The following KLHL8 variants were observed in gnomAD, a reference collection of about 807,000 sequenced individuals.
The protein encoded by KLHL8 is kelch like family member 8, also known as kelch-like protein 8.
KLHL8 carries 38 observed loss-of-function variants against 63.5 expected under a neutral mutation model. The ratio of observed to expected loss-of-function variants is 0.60; its 90% CI spans 0.46 to 0.78. The LOEUF (loss-of-function observed/expected upper bound fraction) is 0.78, where lower values mean the gene tolerates loss of function less well. Ranked by LOEUF, KLHL8 falls within the 30% of genes least tolerant of loss-of-function variation. KLHL8 has a pLI of 0.00. For synonymous variants in KLHL8, 224 were observed against 254.3 expected, an observed-to-expected ratio of 0.88 and a Z score of 1.13; for missense variants, 566 against 752.4, an observed-to-expected ratio of 0.75 and a Z score of 2.90.
In KLHL8 at chr4:87,181,244, T is replaced by C. The variant is rs1010227424; in HGVS notation, c.952+1959A>G. Among the ~76,000 whole-genome samples the C allele has an allele frequency of 3.4e-5, 5 of 147,534 alleles. No individual in the cohort carries two copies. In the East Asian group the frequency reaches 7.9e-4, roughly 23 times the overall value. On this transcript the variant is annotated intron_variant, in intron 4 of 9. Coordinates refer to ENST00000273963, the MANE Select transcript of KLHL8 (RefSeq NM_020803.5). ...GAGTTCGAGACCAGCCTAGCCAACA[T>C]GGTGAAACCCTGCCTCTAGTAAAAA...
intron 6 of KLHL8, among the ~76,000 whole-genome samples, chr4:87,173,104 C>T (rs1020290066): frequency 6.6e-6 from 1 of 152,080 alleles, no homozygotes; most frequent in African/African-American, 2.4e-5. Context: ...TCTTTCATCG[C>T]CTGGTTTTTG....
intron 1 of KLHL8, among the ~76,000 whole-genome samples, chr4:87,205,055 G>A (rs888960616): frequency 1.3e-5 from 2 of 152,074 alleles, no homozygotes. Context: ...AAAGACACAA[G>A]GCAATATAAT....
chr4:87,178,636 C>T lies in KLHL8; in HGVS notation c.953-16G>A. 1 of 1,502,754 alleles carries T rather than the reference C, an allele frequency of 6.7e-7. No homozygotes were observed. The highest frequency in any genetic ancestry group is 8.9e-7 in the Non-Finnish European group (1 of 1,128,680). The allele number at this position is 1,502,754 out of a possible 1,614,324, so 93.1% of individuals were successfully genotyped here. A position where few individuals can be genotyped will look rare whatever the true frequency, so the allele number is the denominator to read the frequency against. ...AACAGCACACCTAAAGGTAAAGCCACAAAATAGAGATAAATCATAGCTGCC... is the reference window on the plus strand; with the variant it reads ...AACAGCACACCTAAAGGTAAAGCCATAAAATAGAGATAAATCATAGCTGCC... On this transcript the variant is annotated splice_polypyrimidine_tract_variant and intron_variant, in intron 4 of 9. Transcript: ENST00000273963.
At chr4:87,238,523 A>C (rs1282986897) in intron 1 of KLHL8, among the ~76,000 whole-genome samples, 1 of 152,162 alleles carries the variant, frequency 6.6e-6, no homozygotes, top group Non-Finnish European at 1.5e-5. Context: ...CACACACACA[A>C]AAAAGTTCTA....
chr4:87,181,572 C>T (rs1731053220), intron 4 of KLHL8, among the ~76,000 whole-genome samples: 1 of 149,534 alleles, frequency 6.7e-6, no homozygotes, highest in Non-Finnish European at 1.5e-5. Context: ...ATATAGTTCA[C>T]ATAGGAACAT....
chr4:87,223,237 G>C (rs1249678792), upstream of KLHL8, among the ~76,000 whole-genome samples: 1 of 151,966 alleles, frequency 6.6e-6, no homozygotes, highest in Non-Finnish European at 1.5e-5. Context: ...GCCTCCCAAA[G>C]TGCTGGGATT....
At chr4:87,172,727 A>G (rs1730681873) in intron 6 of KLHL8, among the ~76,000 whole-genome samples, 1 of 152,124 alleles carries the variant, frequency 6.6e-6, no homozygotes, top group Non-Finnish European at 1.5e-5. Context: ...CTCAATTTCT[A>G]TCAGTATAGT....
chr4:87,172,092 T>C (rs919411460), intron 6 of KLHL8, among the ~76,000 whole-genome samples: 1 of 152,144 alleles, frequency 6.6e-6, no homozygotes, highest in Non-Finnish European at 1.5e-5. Flanking sequence ...GGAGGTGACC[T>C]TGGCGGGCCT....
At chr4:87,168,783 TACGTATATATAC>T (rs1215073844) in intron 8 of KLHL8, among the ~76,000 whole-genome samples, 1 of 113,656 alleles carries the variant, frequency 8.8e-6, no homozygotes, top group African/African-American at 3.1e-5. Flanking sequence ...TGTATATATA[TACGTATATATAC>T]ACACATATAT....
intron 4 of KLHL8, among the ~76,000 whole-genome samples, chr4:87,181,413 A>G (rs1368905569): frequency 6.6e-6 from 1 of 152,224 alleles, no homozygotes; most frequent in Non-Finnish European, 1.5e-5. Flanking sequence ...CTCAAAAAAA[A>G]AGAAATCTGT....
intron 6 of KLHL8, among the ~76,000 whole-genome samples, chr4:87,173,458 GGAT>G (rs1730709399): frequency 6.6e-6 from 1 of 152,126 alleles, no homozygotes; most frequent in Admixed American, 6.5e-5. Flanking sequence ...CATGCTGTCA[GGAT>G]GATGGGTTTC....
chr4:87,223,548 G>T (rs1560722108), upstream of KLHL8, among the ~76,000 whole-genome samples: 2 of 152,118 alleles, frequency 1.3e-5, no homozygotes, highest in Non-Finnish European at 2.9e-5. Context: ...TAGACTCGGA[G>T]ACAGAGAATT....
chr4:87,221,453 T>C (rs1732847450), upstream of KLHL8: 1 of 149,006 alleles, frequency 6.7e-6, no homozygotes, highest in Non-Finnish European at 1.5e-5. Flanking sequence ...AATGAATTAA[T>C]TTTTCTATAA....
intron 3 of KLHL8, among the ~76,000 whole-genome samples, chr4:87,184,079 G>A (rs932883577): frequency 3.2e-4 from 49 of 152,254 alleles, no homozygotes; most frequent in African/African-American, 1.1e-3. Flanking sequence ...CTCCCCAACT[G>A]CAAGACTTCG....
chr4:87,175,959 G>A (rs545146034), intron 6 of KLHL8, among the ~76,000 whole-genome samples: 4 of 151,998 alleles, frequency 2.6e-5, no homozygotes, highest in Non-Finnish European at 5.9e-5. Context: ...ATAAGATCAG[G>A]AACAAGACAA....
intron 6 of KLHL8, among the ~76,000 whole-genome samples, chr4:87,173,472 A>G (rs1730709952): frequency 6.6e-6 from 1 of 152,224 alleles, no homozygotes; most frequent in African/African-American, 2.4e-5. Flanking sequence ...GATGGGTTTC[A>G]ACAGACTCAT....
chr4:87,173,243 C>A (rs1730698892), intron 6 of KLHL8, among the ~76,000 whole-genome samples: 1 of 152,134 alleles, frequency 6.6e-6, no homozygotes, highest in Non-Finnish European at 1.5e-5. Context: ...TCCTCAAGCA[C>A]CCTTTACTCA....
intron 1 of KLHL8, among the ~76,000 whole-genome samples, chr4:87,229,030 T>A (rs1289732437): frequency 6.6e-6 from 1 of 152,344 alleles, no homozygotes; most frequent in East Asian, 1.9e-4. Flanking sequence ...AAAATTATAA[T>A]TGCATTTCTT....
rs1730604915 is a variant in KLHL8 at position 87,170,752 on chromosome 4, C to T, written c.1209-137G>A. 5.0e-6 allele frequency: 4 copies of T among 793,716 alleles called. No individual in the cohort carries two copies. The East Asian group carries it at 1.1e-4, about 21-fold the overall frequency. The allele number at this position is 793,716 out of a possible 1,614,324, so 49.2% of individuals were successfully genotyped here. ...TAGTTTGTTTCCATTATTTTTAGAT[C>T]TATCAAAGCTTTTGACTAGATGGCT... On this transcript the variant is annotated intron_variant, in intron 6 of 9. Coordinates refer to ENST00000273963, the MANE Select transcript of KLHL8 (RefSeq NM_020803.5).
Sources: gnomAD v4.1 joint callset for allele counts (sites outside exome capture counted in the v4.1 genomes callset) on GRCh38, gnomAD v4.1.1 for gene constraint, MANE v1.5 for transcripts, NCBI Gene and HGNC (gene_info 2026-07-23, HGNC 2026-07-21) for gene names.